TRIM24: variants seen among roughly 807,000 people sequenced by gnomAD.
TRIM24 encodes the protein tripartite motif containing 24, also known as transcription intermediary factor 1-alpha.
Under a neutral mutation model 123.9 loss-of-function variants are expected in TRIM24, and 29 were observed. The observed-to-expected ratio is 0.23, with a 90% CI of 0.17 to 0.32. The LOEUF is 0.32. Ranked by LOEUF, TRIM24 falls within the 10% of genes least tolerant of loss-of-function variation. The probability of loss-of-function intolerance (pLI) is 1.00; values close to 1 mark genes in which losing one functional copy is unlikely to be tolerated. For missense variants in TRIM24, 932 were observed against 1,295.3 expected (o/e 0.72, Z 4.31); for synonymous variants, 456 against 461.1 (o/e 0.99, Z 0.14).
chr7:138,537,836 G>GT (rs1796925698), intron 6 of TRIM24, among the ~76,000 whole-genome samples: 1 of 152,184 alleles, frequency 6.6e-6, no homozygotes, highest in South Asian at 2.1e-4. Context: ...TATTGAGAAT[G>GT]TAAGTCCATG....
intron 6 of TRIM24, among the ~76,000 whole-genome samples, chr7:138,533,143 A>G (rs993444672): frequency 6.6e-6 from 1 of 152,218 alleles, no homozygotes; most frequent in Non-Finnish European, 1.5e-5. Context: ...TAAATATACA[A>G]TCATGTCATC....
At chr7:138,492,133 A>G (rs1795800124) in intron 1 of TRIM24, among the ~76,000 whole-genome samples, 1 of 151,756 alleles carries the variant, frequency 6.6e-6, no homozygotes, top group Non-Finnish European at 1.5e-5. Context: ...TTAGCCAGGC[A>G]TGGTGGTACA....
At chr7:138,579,570 A>G (rs1253247459) in intron 15 of TRIM24, 38 bp downstream of exon 15, 2 of 1,495,008 alleles carry the variant, frequency 1.3e-6, no homozygotes, top group African/African-American at 1.4e-5. Context: ...CTTTTACTGT[A>G]AACTTTTGAA....
intron 1 of TRIM24, among the ~76,000 whole-genome samples, chr7:138,473,297 AATT>A (rs2116460886): frequency 6.6e-6 from 1 of 152,250 alleles, no homozygotes; most frequent in Non-Finnish European, 1.5e-5. Context: ...TGATAATAAT[AATT>A]CCTTAAGTTA....
At chr7:138,549,577 G>A (rs1223104221) in intron 7 of TRIM24, among the ~76,000 whole-genome samples, 1 of 152,186 alleles carries the variant, frequency 6.6e-6, no homozygotes, top group Non-Finnish European at 1.5e-5. Context: ...CTGACCACCT[G>A]TGTGAAGAGC....
At chr7:138,487,766 T>G (rs562322570) in intron 1 of TRIM24, among the ~76,000 whole-genome samples, 1 of 152,298 alleles carries the variant, frequency 6.6e-6, no homozygotes, top group African/African-American at 2.4e-5. Context: ...ATTGAGAATT[T>G]TCACATCGAT....
At chr7:138,584,647 T>C (rs1797975127) in intron 18 of TRIM24, 95 bp from the exon 19 acceptor site, 1 of 944,818 alleles carries the variant, frequency 1.1e-6, no homozygotes, top group Admixed American at 2.9e-5. Flanking sequence ...TCAATGACTA[T>C]GCATGAACAC....
At chr7:138,565,667 G>A (rs1797521358) in intron 9 of TRIM24, among the ~76,000 whole-genome samples, 1 of 152,210 alleles carries the variant, frequency 6.6e-6, no homozygotes, top group South Asian at 2.1e-4. Flanking sequence ...TATTTAAGTG[G>A]CCACTGGCCC....
At chr7:138,573,706 A>G in intron 12 of TRIM24, 64 bp downstream of exon 12, 1 of 1,525,980 alleles carries the variant, frequency 6.6e-7, no homozygotes, top group Non-Finnish European at 8.8e-7. Context: ...TTGGAATAAA[A>G]AATTACCCCT....
intron 6 of TRIM24, 33 bp downstream of exon 6, chr7:138,529,263 T>G: frequency 9.1e-7 from 1 of 1,103,816 alleles, no homozygotes; most frequent in South Asian, 1.8e-5. Context: ...GTATATTGAT[T>G]CAACATAGTA....
chr7:138,534,052 G>A (rs191494747), intron 6 of TRIM24, among the ~76,000 whole-genome samples: 539 of 152,146 alleles, frequency 3.5e-3, no homozygotes, highest in African/African-American at 0.012. Flanking sequence ...CTGTGGGATC[G>A]GTGGTGATAT....
intron 7 of TRIM24, among the ~76,000 whole-genome samples, chr7:138,541,558 C>G (rs548083351): frequency 2.0e-5 from 3 of 152,138 alleles, no homozygotes; most frequent in Non-Finnish European, 4.4e-5. Flanking sequence ...ACTTATAGAA[C>G]ACAAAAGCAG....
At chr7:138,507,443 C>T (rs1796174150) in intron 2 of TRIM24, among the ~76,000 whole-genome samples, 1 of 150,826 alleles carries the variant, frequency 6.6e-6, no homozygotes, top group Non-Finnish European at 1.5e-5. Flanking sequence ...TCACTGCAAC[C>T]TCAGTCTCCC....
At chr7:138,497,003 C>G (rs1795921486) in intron 1 of TRIM24, among the ~76,000 whole-genome samples, 1 of 152,026 alleles carries the variant, frequency 6.6e-6, no homozygotes, top group African/African-American at 2.4e-5. Flanking sequence ...TTTTTTGTTA[C>G]TTTTTGTTTA....
chr7:138,561,075 A>G (rs1232378472), intron 9 of TRIM24, among the ~76,000 whole-genome samples: 1 of 152,182 alleles, frequency 6.6e-6, no homozygotes, highest in Non-Finnish European at 1.5e-5. Context: ...CTCCATGAAC[A>G]TGCAATGTGG....
chr7:138,567,167 G>C (rs1797550932), intron 9 of TRIM24, among the ~76,000 whole-genome samples: 1 of 152,288 alleles, frequency 6.6e-6, no homozygotes, highest in East Asian at 1.9e-4. Context: ...GAAGGACTTA[G>C]AAGGATACCA....
chr7:138,501,229 A>AT (rs1796032069), intron 1 of TRIM24, among the ~76,000 whole-genome samples: 1 of 151,930 alleles, frequency 6.6e-6, no homozygotes, highest in African/African-American at 2.4e-5. Flanking sequence ...GCTCCATTTT[A>AT]TTTTTATTTA....
chr7:138,529,880 G>A (rs1224851377), intron 6 of TRIM24, among the ~76,000 whole-genome samples: 8 of 152,108 alleles, frequency 5.3e-5, no homozygotes, highest in Admixed American at 5.2e-4. Flanking sequence ...ATGATTTTTA[G>A]GTATTCTTTT....
Position 138,585,607 on chromosome 7 carries a change from G to T in TRIM24, c.*656G>T. The T allele has an allele frequency of 3.1e-6, 1 of 325,548 alleles. No individual in the cohort carries two copies. Among genetic ancestry groups the T allele is most frequent in the East Asian group, 7.0e-5 (1 of 14,356 alleles). 20.2% of individuals were successfully genotyped at this position (325,548 alleles called of 1,614,324 possible). A position where few individuals can be genotyped will look rare whatever the true frequency, so the allele number is the denominator to read the frequency against. On this transcript the variant is annotated 3_prime_UTR_variant, in exon 19 of 19. Coordinates refer to ENST00000343526, the MANE Select transcript of TRIM24 (RefSeq NM_015905.3). ...AAACAAATGTTTGATTTTTGTTTTT[G>T]TTTTTATCTTGTCTGTAGAGGTATT...
Sources: gnomAD v4.1 joint callset for allele counts (sites outside exome capture counted in the v4.1 genomes callset) on GRCh38, gnomAD v4.1.1 for gene constraint, MANE v1.5 for transcripts, NCBI Gene and HGNC (gene_info 2026-07-23, HGNC 2026-07-21) for gene names.